CNTNAP2: variants seen among roughly 807,000 people sequenced by gnomAD.
CNTNAP2 encodes the protein contactin-associated protein-like 2.
CNTNAP2 carries 98 observed loss-of-function variants against 155.2 expected under a neutral mutation model. That is an observed-to-expected ratio of 0.63 (90% confidence interval 0.54 to 0.75). The LOEUF (loss-of-function observed/expected upper bound fraction) is 0.75, where lower values mean the gene tolerates loss of function less well. Ranked by LOEUF, CNTNAP2 falls within the 30% of genes least tolerant of loss-of-function variation. The pLI is 0.00. For missense variants in CNTNAP2, 1,727 were observed against 1,688.1 expected, an observed-to-expected ratio of 1.02 and a Z score of -0.40; for synonymous variants, 651 against 631.2, an observed-to-expected ratio of 1.03 and a Z score of -0.47.
chr7:146,188,307 G>C (rs1798651897), intron 1 of CNTNAP2, among the ~76,000 whole-genome samples: 1 of 152,128 alleles, frequency 6.6e-6, no homozygotes, highest in Non-Finnish European at 1.5e-5. Context: ...TTTGGAACGT[G>C]AATTACCGTA....
intron 1 of CNTNAP2, among the ~76,000 whole-genome samples, chr7:146,377,268 G>A (rs765723068): frequency 4.6e-5 from 7 of 152,086 alleles, no homozygotes; most frequent in Admixed American, 2.0e-4. Context: ...GAGGATTTTC[G>A]CCTATAAAAG....
At chr7:146,716,988 G>T (rs141314671) in intron 1 of CNTNAP2, among the ~76,000 whole-genome samples, 2 of 152,206 alleles carry the variant, frequency 1.3e-5, no homozygotes, top group Non-Finnish European at 2.9e-5. Flanking sequence ...TCTCATTAGA[G>T]GAGAAGTCTG....
intron 2 of CNTNAP2, among the ~76,000 whole-genome samples, chr7:146,784,521 A>G (rs779237489): frequency 6.6e-6 from 1 of 152,240 alleles, no homozygotes; most frequent in African/African-American, 2.4e-5. Context: ...ATTTAAACAA[A>G]CAAACAAAAA....
At chr7:146,713,553 G>A (rs539299310) in intron 1 of CNTNAP2, among the ~76,000 whole-genome samples, 2 of 152,176 alleles carry the variant, frequency 1.3e-5, no homozygotes, top group East Asian at 3.9e-4. Context: ...CACCTCACCT[G>A]CAATCTATTG....
At chr7:147,536,613 C>T (rs1025227598) in intron 11 of CNTNAP2, among the ~76,000 whole-genome samples, 2 of 152,040 alleles carry the variant, frequency 1.3e-5, no homozygotes, top group East Asian at 1.9e-4. Flanking sequence ...TGTATGTGTC[C>T]GAAATCTTTG....
chr7:146,354,411 ATT>A (rs10641636), intron 1 of CNTNAP2, among the ~76,000 whole-genome samples: 9 of 135,282 alleles, frequency 6.7e-5, no homozygotes, highest in Admixed American at 1.5e-4. Context: ...TCTTGTTAGT[ATT>A]TTTTTTTTTT....
chr7:146,277,892 A>T (rs1317018559), intron 1 of CNTNAP2, among the ~76,000 whole-genome samples: 2 of 152,156 alleles, frequency 1.3e-5, no homozygotes, highest in African/African-American at 4.8e-5. Context: ...CAACTGACTA[A>T]TAAGAGATGA....
chr7:146,584,974 G>A (rs930891443), intron 1 of CNTNAP2, among the ~76,000 whole-genome samples: 6 of 152,024 alleles, frequency 3.9e-5, no homozygotes, highest in African/African-American at 1.5e-4. Context: ...AACCTGTTTG[G>A]GGCCCTATTC....
At chr7:147,406,123 A>G (rs755977285) in intron 10 of CNTNAP2, among the ~76,000 whole-genome samples, 2 of 152,178 alleles carry the variant, frequency 1.3e-5, no homozygotes, top group Non-Finnish European at 2.9e-5. Flanking sequence ...TCTGAATAAA[A>G]GGAGAGTTCA....
chr7:147,081,269 C>T (rs1341439830), intron 4 of CNTNAP2: 1 of 152,094 alleles, frequency 6.6e-6, no homozygotes. Context: ...GCAACACAGG[C>T]CACTGTCTCA....
intron 9 of CNTNAP2, among the ~76,000 whole-genome samples, chr7:147,380,327 AT>A (rs995337419): frequency 6.6e-6 from 1 of 152,108 alleles, no homozygotes; most frequent in African/African-American, 2.4e-5. Context: ...CTCTTGTAGC[AT>A]TCTGCATTTA....
chr7:146,478,273 A>G (rs1434791642), intron 1 of CNTNAP2, among the ~76,000 whole-genome samples: 1 of 152,180 alleles, frequency 6.6e-6, no homozygotes, highest in East Asian at 1.9e-4. Context: ...GCAGGAAACA[A>G]AAACCCAGCA....
At chr7:148,014,545 G>A (rs1802141803) in intron 15 of CNTNAP2, among the ~76,000 whole-genome samples, 1 of 152,126 alleles carries the variant, frequency 6.6e-6, no homozygotes, top group Non-Finnish European at 1.5e-5. Context: ...CTGATATAAT[G>A]GGCTGCTTTA....
At chr7:147,285,371 C>G (rs1350058419) in intron 8 of CNTNAP2, among the ~76,000 whole-genome samples, 1 of 151,828 alleles carries the variant, frequency 6.6e-6, no homozygotes, top group Non-Finnish European at 1.5e-5. Flanking sequence ...CACTAAAATT[C>G]AAGTTCTTTA....
At chr7:147,877,087 C>A (rs1185644041) in intron 13 of CNTNAP2, among the ~76,000 whole-genome samples, 2 of 151,996 alleles carry the variant, frequency 1.3e-5, no homozygotes, top group Admixed American at 6.6e-5. Flanking sequence ...GGGAGTTTTT[C>A]GGTTATTTTT....
At chr7:146,681,430 G>GA in intron 1 of CNTNAP2, among the ~76,000 whole-genome samples, 1 of 105,292 alleles carries the variant, frequency 9.5e-6, no homozygotes, top group Non-Finnish European at 2.0e-5. Flanking sequence ...CTGTGGGTGG[G>GA]GGGTGGAGGG....
At chr7:147,779,888 G>A (rs1402650345) in intron 13 of CNTNAP2, among the ~76,000 whole-genome samples, 1 of 152,126 alleles carries the variant, frequency 6.6e-6, no homozygotes, top group African/African-American at 2.4e-5. Context: ...AGAAATGTGA[G>A]GCCTCCTTGA....
chr7:147,973,587 A>G (rs867458927), intron 14 of CNTNAP2, among the ~76,000 whole-genome samples: 1 of 152,336 alleles, frequency 6.6e-6, no homozygotes, highest in Non-Finnish European at 1.5e-5. Flanking sequence ...GTAAATGTGA[A>G]TAAAACATTG....
chr7:147,216,540 CAACACTA>C (rs1563119972), intron 8 of CNTNAP2, among the ~76,000 whole-genome samples: 2 of 104,664 alleles, frequency 1.9e-5, no homozygotes, highest in Admixed American at 8.6e-5. Context: ...ATTCCTTCAC[CAACACTA>C]AACACTAAAC....
Sources: allele counts gnomAD v4.1 joint callset (sites outside exome capture counted in the v4.1 genomes callset), GRCh38; gene constraint gnomAD v4.1.1; transcripts MANE v1.5; gene names NCBI Gene and HGNC (gene_info 2026-07-23, HGNC 2026-07-21).